The following GRID2 variants were observed in gnomAD, a reference collection of about 807,000 sequenced individuals.
The protein encoded by GRID2 is glutamate ionotropic receptor delta type subunit 2.
In GRID2, 33 loss-of-function variants were observed where a neutral mutation model predicts 114.8. The ratio of observed to expected loss-of-function variants is 0.29; its 90% CI spans 0.22 to 0.38. GRID2 has a LOEUF of 0.38. Ranked by LOEUF, GRID2 falls within the 10% of genes least tolerant of loss-of-function variation. The pLI is 1.00. For missense variants in GRID2, 1,184 were observed against 1,257.7 expected (o/e 0.94, Z 0.89); for synonymous variants, 505 against 449.9 (o/e 1.12, Z -1.55).
intron 8 of GRID2, among the ~76,000 whole-genome samples, chr4:93,297,643 C>A (rs1342226018): frequency 1.3e-5 from 2 of 152,080 alleles, no homozygotes; most frequent in Non-Finnish European, 1.5e-5. Flanking sequence ...CTATCTATTC[C>A]ATATGATTTT....
chr4:93,026,964 G>A (rs988620700), intron 2 of GRID2, among the ~76,000 whole-genome samples: 2 of 152,036 alleles, frequency 1.3e-5, no homozygotes, highest in African/African-American at 4.8e-5. Context: ...AAGAATGTTT[G>A]TACAGATGCG....
At chr4:92,322,530 C>T (rs1314371553) in intron 1 of GRID2, among the ~76,000 whole-genome samples, 1 of 151,924 alleles carries the variant, frequency 6.6e-6, no homozygotes, top group African/African-American at 2.4e-5. Flanking sequence ...TCTCATGTAA[C>T]CTATACATAT....
intron 13 of GRID2, among the ~76,000 whole-genome samples, chr4:93,589,388 T>A (rs1022970528): frequency 1.2e-4 from 19 of 152,054 alleles, no homozygotes; most frequent in African/African-American, 3.9e-4. Flanking sequence ...GAACTCATCA[T>A]TTTTTATGGC....
intron 8 of GRID2, among the ~76,000 whole-genome samples, chr4:93,364,810 C>A (rs1199549781): frequency 6.6e-6 from 1 of 152,048 alleles, no homozygotes; most frequent in East Asian, 1.9e-4. Flanking sequence ...CCTTAGATTG[C>A]ATTCCTGTCT....
chr4:93,120,126 A>T (rs565688610), intron 4 of GRID2, among the ~76,000 whole-genome samples: 7 of 152,190 alleles, frequency 4.6e-5, no homozygotes, highest in Non-Finnish European at 1.0e-4. Context: ...GAGAAATAGG[A>T]ACACTTTTAC....
At chr4:93,355,803 T>C (rs2149267421) in intron 8 of GRID2, among the ~76,000 whole-genome samples, 1 of 152,186 alleles carries the variant, frequency 6.6e-6, no homozygotes, top group South Asian at 2.1e-4. Context: ...CACATTTTAC[T>C]TCAACTCACA....
At chr4:93,346,641 T>C (rs1760264305) in intron 8 of GRID2, among the ~76,000 whole-genome samples, 1 of 152,144 alleles carries the variant, frequency 6.6e-6, no homozygotes, top group East Asian at 1.9e-4. Context: ...GCCATGAAAA[T>C]TGGTTCTTTT....
chr4:93,631,647 G>C (rs868115862), intron 14 of GRID2, among the ~76,000 whole-genome samples: 23 of 152,244 alleles, frequency 1.5e-4, no homozygotes, highest in Middle Eastern at 3.4e-3. Flanking sequence ...CCAAGTCTTT[G>C]CTATTGTGAA....
intron 4 of GRID2, among the ~76,000 whole-genome samples, chr4:93,123,458 A>G (rs757368258): frequency 6.6e-6 from 1 of 152,190 alleles, no homozygotes; most frequent in African/African-American, 2.4e-5. Flanking sequence ...CACTTATTCA[A>G]TTATTCAAAC....
At chr4:93,729,930 G>T (rs552075660) in intron 14 of GRID2, among the ~76,000 whole-genome samples, 198 of 152,272 alleles carry the variant, frequency 1.3e-3, no homozygotes, top group Middle Eastern at 6.8e-3. Flanking sequence ...TTCCAGGACA[G>T]CAGAGAGACT....
intron 5 of GRID2, among the ~76,000 whole-genome samples, chr4:93,210,930 A>G (rs1408352490): frequency 2.6e-5 from 4 of 152,058 alleles, no homozygotes; most frequent in Non-Finnish European, 5.9e-5. Context: ...GACTACACAG[A>G]TTTCCTGATG....
chr4:92,604,524 G>A, intron 2 of GRID2, among the ~76,000 whole-genome samples: 1 of 150,412 alleles, frequency 6.6e-6, no homozygotes, highest in South Asian at 2.1e-4. Context: ...AACAGGGAGG[G>A]GACTTTTGGG....
At chr4:93,195,112 G>A (rs909028230) in intron 4 of GRID2, among the ~76,000 whole-genome samples, 2 of 152,074 alleles carry the variant, frequency 1.3e-5, no homozygotes, top group Admixed American at 1.3e-4. Flanking sequence ...CTTCTTACAA[G>A]TATCTTTATT....
intron 8 of GRID2, among the ~76,000 whole-genome samples, chr4:93,316,293 AAAGAAAGAAAGAAAGAAAGAAAG>A (rs1756600764): frequency 2.2e-5 from 1 of 44,660 alleles, no homozygotes; most frequent in Non-Finnish European, 4.1e-5. Flanking sequence ...CGAAAGAACG[AAAGAAAGAAAGAAAGAAAGAAAG>A]AAAGAAAGAA....
At chr4:93,661,782 C>T (rs912585108) in intron 14 of GRID2, among the ~76,000 whole-genome samples, 1 of 152,166 alleles carries the variant, frequency 6.6e-6, no homozygotes, top group Non-Finnish European at 1.5e-5. Context: ...GCACAAATGG[C>T]AGCACCCTTG....
chr4:93,762,172 G>A (rs569168497), intron 14 of GRID2, among the ~76,000 whole-genome samples: 2 of 152,112 alleles, frequency 1.3e-5, no homozygotes, highest in East Asian at 3.9e-4. Flanking sequence ...TAATAATGTG[G>A]ATATTATGAG....
intron 11 of GRID2, among the ~76,000 whole-genome samples, chr4:93,488,413 A>G (rs1317237320): frequency 6.6e-6 from 1 of 151,922 alleles, no homozygotes; most frequent in Non-Finnish European, 1.5e-5. Flanking sequence ...ATATAACCAA[A>G]GGGTGTACTT....
At chr4:92,819,492 C>G (rs1741129110) in intron 2 of GRID2, among the ~76,000 whole-genome samples, 1 of 152,118 alleles carries the variant, frequency 6.6e-6, no homozygotes, top group African/African-American at 2.4e-5. Flanking sequence ...CAGCCTCACT[C>G]AGTAACTATG....
intron 8 of GRID2, among the ~76,000 whole-genome samples, chr4:93,343,503 G>C (rs1759872591): frequency 6.6e-6 from 1 of 151,932 alleles, no homozygotes; most frequent in African/African-American, 2.4e-5. Context: ...ACAGTGAAAG[G>C]GCATTGGGAA....
Sources: allele counts gnomAD v4.1 joint callset (sites outside exome capture counted in the v4.1 genomes callset), GRCh38; gene constraint gnomAD v4.1.1; transcripts MANE v1.5; gene names NCBI Gene and HGNC (gene_info 2026-07-23, HGNC 2026-07-21).